RALYL: variants seen among roughly 807,000 people sequenced by gnomAD.
The protein encoded by RALYL is RNA-binding Raly-like protein.
In RALYL, 29 loss-of-function variants were observed where a neutral mutation model predicts 35.1. The ratio of observed to expected loss-of-function variants is 0.83; its 90% CI spans 0.61 to 1.13. The LOEUF (loss-of-function observed/expected upper bound fraction) is 1.13, where lower values mean the gene tolerates loss of function less well. Among genes scored for constraint, RALYL ranks in the 50% most tolerant of loss-of-function variants. The probability of loss-of-function intolerance (pLI) is 0.00; values close to 1 mark genes in which losing one functional copy is unlikely to be tolerated. For missense variants in RALYL, 359 were observed against 360.4 expected (o/e 1.00, Z 0.03); for synonymous variants, 120 against 127.6 (o/e 0.94, Z 0.40).
chr8:84,468,299 G>A (rs1476747332), intron 1 of RALYL, among the ~76,000 whole-genome samples: 1 of 152,154 alleles, frequency 6.6e-6, no homozygotes, highest in African/African-American at 2.4e-5. Context: ...TCCTTTCCAT[G>A]TTTAGTGCTT....
intron 3 of RALYL, among the ~76,000 whole-genome samples, chr8:84,775,450 G>A (rs778719350): frequency 9.9e-5 from 15 of 152,092 alleles, no homozygotes; most frequent in Non-Finnish European, 1.9e-4. Context: ...TCAAACTCAT[G>A]CCCTCTGTAC....
chr8:84,761,888 G>A (rs1217424386), intron 2 of RALYL, among the ~76,000 whole-genome samples: 1 of 152,156 alleles, frequency 6.6e-6, no homozygotes, highest in Non-Finnish European at 1.5e-5. Context: ...AGAACGGTAA[G>A]GGGGCTTATG....
At chr8:84,448,283 G>T (rs1437858952) in intron 1 of RALYL, among the ~76,000 whole-genome samples, 2 of 151,978 alleles carry the variant, frequency 1.3e-5, no homozygotes, top group East Asian at 1.9e-4. Context: ...GCATGAATGA[G>T]TCTATGCACA....
chr8:84,197,116 T>G (rs954284974), intron 1 of RALYL, among the ~76,000 whole-genome samples: 1 of 152,208 alleles, frequency 6.6e-6, no homozygotes, highest in African/African-American at 2.4e-5. Context: ...AATGATATAC[T>G]TAACATGTAA....
chr8:84,654,761 TC>T (rs1470767054), intron 2 of RALYL, among the ~76,000 whole-genome samples: 1 of 152,142 alleles, frequency 6.6e-6, no homozygotes, highest in Non-Finnish European at 1.5e-5. Flanking sequence ...AAACAGGATC[TC>T]ATTTTTATTT....
At chr8:84,334,654 C>T (rs1847435608) in intron 1 of RALYL, among the ~76,000 whole-genome samples, 1 of 151,866 alleles carries the variant, frequency 6.6e-6, no homozygotes, top group Admixed American at 6.6e-5. Context: ...TTGGTTTTCC[C>T]TGTAATGTGT....
At chr8:84,429,918 C>T (rs750743416) in intron 1 of RALYL, among the ~76,000 whole-genome samples, 12 of 151,756 alleles carry the variant, frequency 7.9e-5, no homozygotes, top group South Asian at 6.2e-4. Context: ...ATAACTTATA[C>T]GTATTGCCCC....
At chr8:84,193,055 A>G (rs995469483) in intron 1 of RALYL, among the ~76,000 whole-genome samples, 1 of 152,130 alleles carries the variant, frequency 6.6e-6, no homozygotes, top group South Asian at 2.1e-4. Context: ...TGAATAGTCT[A>G]TTAGTTGCCA....
chr8:84,484,481 G>C lies in RALYL; in HGVS notation c.-23-44818G>C, dbSNP rs529154577. On this transcript the variant is annotated intron_variant, in intron 1 of 8. Transcript: ENST00000521268. ...TCAAGTGGAAGGATAACAAGCGGAA[G>C]AAAGAACGTAAGCAAAAGCAGGAAG... 4.7e-4 allele frequency among the ~76,000 whole-genome samples: 72 copies of C among 152,176 alleles called. 1 individual carries two copies. The South Asian group carries it at 0.013, about 28-fold the overall frequency.
intron 1 of RALYL, among the ~76,000 whole-genome samples, chr8:84,258,801 G>A (rs1029326061): frequency 2.0e-5 from 3 of 151,920 alleles, no homozygotes; most frequent in Non-Finnish European, 2.9e-5. Flanking sequence ...ACATTTTCCC[G>A]CAAACTCATT....
At chr8:84,394,790 A>C (rs1861433821) in intron 1 of RALYL, among the ~76,000 whole-genome samples, 1 of 151,958 alleles carries the variant, frequency 6.6e-6, no homozygotes, top group Non-Finnish European at 1.5e-5. Flanking sequence ...TTTTTTACAA[A>C]AATGATAGAA....
At chr8:84,338,458 C>T (rs1273008572) in intron 1 of RALYL, among the ~76,000 whole-genome samples, 1 of 146,114 alleles carries the variant, frequency 6.8e-6, no homozygotes, top group Admixed American at 6.8e-5. Context: ...AGCTGTGGTA[C>T]TGCAATTAAA....
intron 1 of RALYL, among the ~76,000 whole-genome samples, chr8:84,488,218 G>A (rs2133990368): frequency 6.6e-6 from 1 of 152,114 alleles, no homozygotes; most frequent in East Asian, 1.9e-4. Flanking sequence ...TAAGTTGTAT[G>A]AGCAGCTTCA....
intron 8 of RALYL, among the ~76,000 whole-genome samples, chr8:84,899,352 CG>C (rs544334405): frequency 7.9e-5 from 12 of 151,714 alleles, no homozygotes; most frequent in Non-Finnish European, 1.6e-4. Flanking sequence ...GTACATTTCT[CG>C]GGGGTTATTT....
At chr8:84,240,809 C>T (rs984080117) in intron 1 of RALYL, among the ~76,000 whole-genome samples, 2 of 152,030 alleles carry the variant, frequency 1.3e-5, no homozygotes, top group African/African-American at 4.8e-5. Context: ...AACTATATCC[C>T]AGTAACAGCA....
chr8:84,721,554 C>A (rs1215760434), intron 2 of RALYL, among the ~76,000 whole-genome samples: 1 of 152,180 alleles, frequency 6.6e-6, no homozygotes, highest in African/African-American at 2.4e-5. Context: ...TTTCCTCCCC[C>A]ATCAAGGGTT....
rs140495564 is a variant in RALYL, at chr8:84,444,373, A to T, written c.-23-84926A>T. ...CAAAAAAACAACAATGAAAAAAAACACCACACACACCCAAAACAAGAACAT... is the reference window on the plus strand; with the variant it reads ...CAAAAAAACAACAATGAAAAAAAACTCCACACACACCCAAAACAAGAACAT... On this transcript the variant is annotated intron_variant, in intron 1 of 8. Transcript: ENST00000521268. Among the ~76,000 whole-genome samples the T allele has an allele frequency of 1.0e-3, 156 of 152,180 alleles. 2 individuals carry two copies. Among genetic ancestry groups the T allele is most frequent in the African/African-American group, 3.6e-3 (148 of 41,542 alleles).
chr8:84,188,611 A>G (rs1356471232), intron 1 of RALYL, among the ~76,000 whole-genome samples: 1 of 152,178 alleles, frequency 6.6e-6, no homozygotes, highest in Non-Finnish European at 1.5e-5. Flanking sequence ...TTTGAAAACA[A>G]TATTCAATAA....
intron 4 of RALYL, among the ~76,000 whole-genome samples, chr8:84,822,729 T>C (rs1372442990): frequency 6.6e-6 from 1 of 152,174 alleles, no homozygotes; most frequent in Non-Finnish European, 1.5e-5. Context: ...ACTAACAATA[T>C]GTCTTCAAAA....
Sources: allele counts gnomAD v4.1 joint callset (sites outside exome capture counted in the v4.1 genomes callset), GRCh38; gene constraint gnomAD v4.1.1; transcripts MANE v1.5; gene names NCBI Gene and HGNC (gene_info 2026-07-23, HGNC 2026-07-21).